Variants in RNF4 observed in about 807,000 individuals in gnomAD.
RNF4 encodes E3 ubiquitin-protein ligase RNF4.
Under a neutral mutation model 24.3 loss-of-function variants are expected in RNF4, and 7 were observed. The observed-to-expected ratio is 0.29, with a 90% CI of 0.16 to 0.54. The LOEUF (loss-of-function observed/expected upper bound fraction) is 0.54. Ranked by LOEUF, RNF4 falls within the 20% of genes least tolerant of loss-of-function variation. The pLI is 0.95. For synonymous variants in RNF4, 83 were observed against 84.3 expected, an observed-to-expected ratio of 0.98 and a Z score of 0.09; for missense variants, 209 against 248.5, an observed-to-expected ratio of 0.84 and a Z score of 1.07.
chr4:2,503,722 A>G (rs1416389867), intron 4 of RNF4, among the ~76,000 whole-genome samples: 2 of 152,200 alleles, frequency 1.3e-5, no homozygotes, highest in African/African-American at 4.8e-5. Flanking sequence ...GCATCTGTAG[A>G]TGGATCGTGT....
intron 3 of RNF4, 91 bp from the exon 4 acceptor site, chr4:2,500,568 C>T: frequency 9.6e-7 from 1 of 1,043,360 alleles, no homozygotes. Flanking sequence ...TGGGGTAAGC[C>T]TATAACATTA....
chr4:2,509,303 C>T (rs1213910707), intron 4 of RNF4, among the ~76,000 whole-genome samples: 1 of 152,014 alleles, frequency 6.6e-6, no homozygotes. Flanking sequence ...CTGCCCCCTC[C>T]ACCTCCTGGG....
chr4:2,471,889 CTGTAA>C (rs1457090794), intron 1 of RNF4, among the ~76,000 whole-genome samples: 1 of 152,176 alleles, frequency 6.6e-6, no homozygotes, highest in Non-Finnish European at 1.5e-5. Context: ...GAAGCCACCT[CTGTAA>C]TGTAAAAGTG....
Position 2,512,377 on chromosome 4 carries a change from G to A in RNF4, c.215-61G>A, listed in dbSNP as rs1444603380. The A allele has an allele frequency of 6.5e-7, 1 of 1,547,206 alleles. No individual in the cohort carries two copies. The highest frequency in any genetic ancestry group is 1.2e-5 in the South Asian group (1 of 84,400). ...AGGGTCTTAAGAGGCGTCAGGATGG[G>A]AGTGGTGAGGATGGTAAGAGTAGAG... is the stretch of plus-strand genomic sequence containing the variant. On this transcript the variant is annotated intron_variant, in intron 5 of 7. Coordinates refer to ENST00000314289, the MANE Select transcript of RNF4 (RefSeq NM_002938.5). The surrounding 1 kb of genome is among the most constrained non-coding windows in gnomAD (Gnocchi z 4.1).
At chr4:2,470,033 A>T (rs749123069) in intron 1 of RNF4, 2 of 152,272 alleles carry the variant, frequency 1.3e-5, no homozygotes, top group Non-Finnish European at 2.9e-5. Context: ...AGCTTGGGCA[A>T]GCCGTTTTGG....
In RNF4 at chr4:2,495,642, G is replaced by GGT. The variant is rs199907915; in HGVS notation, c.10-1364_10-1363insTG. 6.7e-5 allele frequency among the ~76,000 whole-genome samples: 10 copies of GGT among 148,708 alleles called. No homozygotes were observed. The South Asian group carries it at 8.8e-4, about 13-fold the overall frequency. On this transcript the variant is annotated intron_variant, in intron 2 of 7. Transcript: ENST00000314289. The stretch of plus-strand genomic sequence containing the variant: ...TGTTGGGAAGCTCTTTTTTTTTTGG[G>GGT]GGGGGGTGAGATGGAGATTTACTCT...
At chr4:2,478,743 T>C (rs1735159183) in intron 1 of RNF4, among the ~76,000 whole-genome samples, 1 of 152,258 alleles carries the variant, frequency 6.6e-6, no homozygotes, top group East Asian at 1.9e-4. Flanking sequence ...AGAAGTTTGC[T>C]GCAGGGGCGG....
At chr4:2,481,646 C>T (rs1198638257) in intron 1 of RNF4, among the ~76,000 whole-genome samples, 6 of 152,160 alleles carry the variant, frequency 3.9e-5, no homozygotes, top group African/African-American at 1.4e-4. Flanking sequence ...TCAGAGCATT[C>T]CTGTTGTGCG....
chr4:2,477,262 G>A (rs1195290593), intron 1 of RNF4, among the ~76,000 whole-genome samples: 1 of 152,096 alleles, frequency 6.6e-6, no homozygotes, highest in Non-Finnish European at 1.5e-5. Flanking sequence ...TTCCCATGCT[G>A]TTCTCATGAT....
At chr4:2,494,144 G>A (rs943358629) in intron 2 of RNF4, among the ~76,000 whole-genome samples, 4 of 152,268 alleles carry the variant, frequency 2.6e-5, no homozygotes, top group East Asian at 1.9e-4. Context: ...TTCTGGTGCT[G>A]TAAAGAAATA....
chr4:2,493,743 TAAAAAAAA>T (rs34740719), intron 2 of RNF4, among the ~76,000 whole-genome samples: 1 of 88,154 alleles, frequency 1.1e-5, no homozygotes, highest in Non-Finnish European at 2.2e-5. Context: ...GACTCCGTCT[TAAAAAAAA>T]AAAAAAAAAA....
intron 1 of RNF4, among the ~76,000 whole-genome samples, chr4:2,477,914 G>A (rs1346147452): frequency 6.6e-6 from 1 of 152,166 alleles, no homozygotes; most frequent in Non-Finnish European, 1.5e-5. Context: ...CAGTTTGGAG[G>A]GCTCAGAAGA....
chr4:2,485,822 C>T (rs76831318), intron 1 of RNF4, among the ~76,000 whole-genome samples: 8 of 152,236 alleles, frequency 5.3e-5, no homozygotes, highest in East Asian at 3.9e-4. Context: ...GTCCTCGTAG[C>T]GCTTACCTAA....
intron 4 of RNF4, 26 bp from the exon 5 acceptor site, chr4:2,511,928 CTT>C (rs757450964): frequency 4.4e-6 from 7 of 1,595,226 alleles, no homozygotes; most frequent in Non-Finnish European, 6.0e-6. Context: ...GCTTCTTTCT[CTT>C]TTGTTTTTCT....
Position 2,512,674 on chromosome 4 carries a change from CTG to C in RNF4, c.374+80_374+81del. The C allele has an allele frequency of 6.5e-7, 1 of 1,535,118 alleles. No individual in the cohort carries two copies. Among genetic ancestry groups the C allele is most frequent in the Admixed American group, 1.9e-5 (1 of 52,064 alleles). On this transcript the variant is annotated intron_variant, in intron 6 of 7. Coordinates refer to ENST00000314289, the MANE Select transcript of RNF4 (RefSeq NM_002938.5). The surrounding 1 kb of genome is among the most constrained non-coding windows in gnomAD (Gnocchi z 4.1). Reference sequence around the variant, plus strand: ...GGCATGGGAATACTTTTCAGCAAATCTGTGAGCCCTTGGCCCTGGAAGGGCTT... The same window carrying C: ...GGCATGGGAATACTTTTCAGCAAATCTGAGCCCTTGGCCCTGGAAGGGCTT...
At chr4:2,476,625 T>C (rs2067850315) in intron 1 of RNF4, among the ~76,000 whole-genome samples, 1 of 151,902 alleles carries the variant, frequency 6.6e-6, no homozygotes, top group Non-Finnish European at 1.5e-5. Context: ...ACTCCTGACC[T>C]TGTGATCCAC....
intron 4 of RNF4, among the ~76,000 whole-genome samples, chr4:2,510,598 C>T (rs1414168059): frequency 2.0e-5 from 3 of 152,220 alleles, no homozygotes; most frequent in African/African-American, 4.8e-5. Context: ...TTTGAGGGAA[C>T]TCGGTTCACG....
In RNF4 at chr4:2,490,437, A is replaced by T; in HGVS notation, c.-57A>T. ...GTTGAGAACATTTGACTTCCCTGCA[A>T]ACCTTGGTATAGATCACTTCCTTTT... On this transcript the variant is annotated 5_prime_UTR_variant, in exon 2 of 8. Transcript: ENST00000314289. 1 of 1,594,978 alleles carries T rather than the reference A, an allele frequency of 6.3e-7. No homozygotes were observed. Among genetic ancestry groups the T allele is most frequent in the South Asian group, 1.1e-5 (1 of 89,242 alleles).
chr4:2,505,601 A>T (rs1553879699), intron 4 of RNF4: 1 of 151,038 alleles, frequency 6.6e-6, no homozygotes, highest in African/African-American at 2.4e-5. Flanking sequence ...CTGGGATTAT[A>T]GGTGTGAGCC....
Sources: gnomAD v4.1 joint callset for allele counts (sites outside exome capture counted in the v4.1 genomes callset) on GRCh38, gnomAD v4.1.1 for gene constraint, Gnocchi (gnomAD v3.1) non-coding constraint, MANE v1.5 for transcripts, NCBI Gene and HGNC (gene_info 2026-07-23, HGNC 2026-07-21) for gene names.